The following SV2C variants were observed in gnomAD, a reference collection of about 807,000 sequenced individuals.
SV2C encodes solute carrier family 22 member B3.
A neutral mutation model predicts 79.7 loss-of-function variants in SV2C; 49 were observed. The observed-to-expected ratio is 0.61, with a 90% CI of 0.49 to 0.78. The LOEUF is 0.78. Ranked by LOEUF, SV2C falls within the 30% of genes least tolerant of loss-of-function variation. The pLI, the probability that SV2C is intolerant of heterozygous loss-of-function variation, is 0.00. For synonymous variants in SV2C, 334 were observed against 333.2 expected (o/e 1.00, Z -0.03); for missense variants, 833 against 912.9 (o/e 0.91, Z 1.13).
the SV2C span, among the ~76,000 whole-genome samples, chr5:75,963,770 C>A: frequency 3.3e-5 from 5 of 152,034 alleles, no homozygotes; most frequent in African/African-American, 1.2e-4. Flanking sequence ...TTTCTCTGTT[C>A]TCTCTTCCTG....
chr5:76,188,898 T>G (rs187492573), intron 2 of SV2C, among the ~76,000 whole-genome samples: 2 of 152,012 alleles, frequency 1.3e-5, no homozygotes, highest in Admixed American at 1.3e-4. Flanking sequence ...GCCAACCATT[T>G]TGGGGTTCCA....
the SV2C span, among the ~76,000 whole-genome samples, chr5:75,915,213 A>G: frequency 1.3e-5 from 2 of 152,294 alleles, no homozygotes; most frequent in Non-Finnish European, 2.9e-5. Context: ...AGGCATAGAG[A>G]GGCTATTTCC....
chr5:76,004,052 GA>G, the SV2C span, among the ~76,000 whole-genome samples: 34 of 147,164 alleles, frequency 2.3e-4, no homozygotes, highest in African/African-American at 7.7e-4. Context: ...GAGGGACAAG[GA>G]AAAAAAAAAG....
chr5:76,202,434 A>G (rs1580350837), intron 3 of SV2C, among the ~76,000 whole-genome samples: 1 of 152,342 alleles, frequency 6.6e-6, no homozygotes. Context: ...ATCAGGTTTC[A>G]TACCCAGGCA....
the SV2C span, among the ~76,000 whole-genome samples, chr5:75,973,189 G>T: frequency 2.0e-5 from 3 of 151,982 alleles, no homozygotes; most frequent in Admixed American, 1.3e-4. Flanking sequence ...GGTGGGGAAG[G>T]GGGGAGGGAT....
At chr5:76,279,781 G>T (rs1380231846) in intron 4 of SV2C, among the ~76,000 whole-genome samples, 1 of 152,152 alleles carries the variant, frequency 6.6e-6, no homozygotes, top group Non-Finnish European at 1.5e-5. Flanking sequence ...CTCTTTCTCA[G>T]GTGTCAGATA....
At chr5:76,050,370 T>G in the SV2C span, among the ~76,000 whole-genome samples, 10 of 152,164 alleles carry the variant, frequency 6.6e-5, no homozygotes, top group African/African-American at 2.4e-4. Context: ...CTGGTATGCA[T>G]GAAAGAGAAT....
chr5:76,238,433 C>T (rs1034909080), intron 4 of SV2C, among the ~76,000 whole-genome samples: 2 of 151,976 alleles, frequency 1.3e-5, no homozygotes, highest in Non-Finnish European at 2.9e-5. Context: ...GGGAGTGATC[C>T]GCGTTTTGTT....
chr5:76,106,070 TA>T (rs1747900201), intron 1 of SV2C, among the ~76,000 whole-genome samples: 1 of 152,112 alleles, frequency 6.6e-6, no homozygotes, highest in African/African-American at 2.4e-5. Flanking sequence ...ATCAATAGCT[TA>T]AATTTAATAT....
At chr5:76,335,818 C>A (rs1371257746), downstream of SV2C, among the ~76,000 whole-genome samples, 1 of 152,220 alleles carries the variant, frequency 6.6e-6, no homozygotes, top group African/African-American at 2.4e-5. Context: ...CCCGTGTCTA[C>A]CTCTTTCTAC....
chr5:75,900,399 T>C, the SV2C span, among the ~76,000 whole-genome samples: 1 of 152,348 alleles, frequency 6.6e-6, no homozygotes, highest in African/African-American at 2.4e-5. Context: ...GCCCCCACTG[T>C]CTTCTGGCTT....
At chr5:76,244,022 T>C (rs950331377) in intron 4 of SV2C, among the ~76,000 whole-genome samples, 2 of 152,216 alleles carry the variant, frequency 1.3e-5, no homozygotes, top group African/African-American at 4.8e-5. Flanking sequence ...AGGCCATCCC[T>C]TCCCACCCTA....
At chr5:76,130,145 TAAAAA>T (rs375351450) in intron 1 of SV2C, among the ~76,000 whole-genome samples, 1,107 of 67,028 alleles carry the variant, frequency 0.017, 4 homozygotes, top group African/African-American at 0.049. Context: ...TCTCAGTTCT[TAAAAA>T]AAAAAAAAAA....
chr5:76,132,944 CT>C (rs1176642077), intron 2 of SV2C, among the ~76,000 whole-genome samples: 1 of 151,484 alleles, frequency 6.6e-6, no homozygotes, highest in Non-Finnish European at 1.5e-5. Context: ...ACTAGAAAAA[CT>C]TCATTTCTTT....
intron 2 of SV2C, chr5:76,171,101 G>C: frequency 1.2e-5 from 1 of 86,684 alleles, no homozygotes; most frequent in Middle Eastern, 3.3e-3. Context: ...CGAGGGCAAG[G>C]AGCAGCCGCC....
chr5:75,889,731 C>T, the SV2C span, among the ~76,000 whole-genome samples: 1 of 152,048 alleles, frequency 6.6e-6, no homozygotes, highest in Admixed American at 6.6e-5. Flanking sequence ...AACCCTGGCA[C>T]ATAATAGGCA....
chr5:76,315,185 G>GGC (rs1350890917), intron 12 of SV2C, among the ~76,000 whole-genome samples: 54 of 126,982 alleles, frequency 4.3e-4, no homozygotes, highest in African/African-American at 1.1e-3. Flanking sequence ...AACATGGCCA[G>GGC]GCGCACACAC....
chr5:76,034,747 G>T, the SV2C span, among the ~76,000 whole-genome samples: 1 of 152,192 alleles, frequency 6.6e-6, no homozygotes, highest in South Asian at 2.1e-4. Context: ...TTGGTATCAG[G>T]ATGATGCTGG....
At chr5:76,032,129 G>A in the SV2C span, among the ~76,000 whole-genome samples, 2 of 152,102 alleles carry the variant, frequency 1.3e-5, no homozygotes, top group African/African-American at 4.8e-5. Flanking sequence ...GATAACTAAT[G>A]AATATTCAAA....
Sources: allele counts gnomAD v4.1 joint callset (sites outside exome capture counted in the v4.1 genomes callset), GRCh38; gene constraint gnomAD v4.1.1; transcripts MANE v1.5; gene names NCBI Gene and HGNC (gene_info 2026-07-23, HGNC 2026-07-21).